Variants in TEAD1 observed in about 807,000 individuals in gnomAD.
The protein encoded by TEAD1 is transcriptional enhancer factor TEF-1.
In TEAD1, 9 loss-of-function variants were observed where a neutral mutation model predicts 54.9. That is an observed-to-expected ratio of 0.16 (90% CI 0.10 to 0.29). The LOEUF is 0.29. Among genes scored for constraint, TEAD1 ranks in the 10% least tolerant of loss-of-function variants. TEAD1 has a pLI of 1.00. For missense variants in TEAD1, 387 were observed against 535.9 expected (o/e 0.72, Z 2.74); for synonymous variants, 200 against 187.8 (o/e 1.07, Z -0.53).
At chr11:12,883,732 GGC>G (rs1948021861) in intron 9 of TEAD1, among the ~76,000 whole-genome samples, 1 of 152,116 alleles carries the variant, frequency 6.6e-6, no homozygotes, top group African/African-American at 2.4e-5. Flanking sequence ...AAGAAGAAGT[GGC>G]CAGGCATGGT....
chr11:12,676,155 T>TA (rs1206464840), intron 2 of TEAD1, among the ~76,000 whole-genome samples: 4 of 152,176 alleles, frequency 2.6e-5, no homozygotes, highest in African/African-American at 9.6e-5. Context: ...TTCAAAATAG[T>TA]AAAAAGAAAT....
chr11:12,686,936 A>G (rs1264950867), intron 2 of TEAD1, among the ~76,000 whole-genome samples: 3 of 152,268 alleles, frequency 2.0e-5, no homozygotes, highest in Admixed American at 2.0e-4. Flanking sequence ...TGACCAAAAC[A>G]ATGGCGTCTA....
intron 3 of TEAD1, among the ~76,000 whole-genome samples, chr11:12,767,274 C>A (rs886563803): frequency 2.6e-5 from 4 of 152,164 alleles, no homozygotes; most frequent in Admixed American, 2.0e-4. Context: ...AATTGGGACA[C>A]AAACCAGACC....
chr11:12,681,738 A>G (rs897104216), intron 2 of TEAD1, among the ~76,000 whole-genome samples: 4 of 152,256 alleles, frequency 2.6e-5, no homozygotes, highest in African/African-American at 9.6e-5. Flanking sequence ...GGGGGAAGCT[A>G]GGGCGAGGCT....
intron 5 of TEAD1, among the ~76,000 whole-genome samples, chr11:12,866,778 T>C (rs1206086393): frequency 6.6e-6 from 1 of 152,172 alleles, no homozygotes; most frequent in Non-Finnish European, 1.5e-5. Context: ...ATGGAGTCCT[T>C]TGTTTTTCCA....
intron 11 of TEAD1, among the ~76,000 whole-genome samples, chr11:12,929,949 C>A (rs1262830645): frequency 6.6e-6 from 1 of 152,158 alleles, no homozygotes; most frequent in Non-Finnish European, 1.5e-5. Context: ...AAGCTCTCAT[C>A]TTTCCAACTA....
At chr11:12,710,737 A>G (rs1943919274) in intron 2 of TEAD1, among the ~76,000 whole-genome samples, 1 of 152,172 alleles carries the variant, frequency 6.6e-6, no homozygotes, top group Non-Finnish European at 1.5e-5. Context: ...AGAGAGAGAA[A>G]TAGACATGTC....
chr11:12,924,762 G>A, intron 10 of TEAD1, 150 bp from the exon 11 acceptor site: 3 of 882,612 alleles, frequency 3.4e-6, no homozygotes, highest in Non-Finnish European at 5.7e-6. Flanking sequence ...AACGACAGAT[G>A]GGTATTGAAC....
chr11:12,838,769 C>G (rs1477902340), intron 3 of TEAD1, among the ~76,000 whole-genome samples: 3 of 152,156 alleles, frequency 2.0e-5, no homozygotes, highest in Non-Finnish European at 4.4e-5. Context: ...TAGAGCCAAA[C>G]ATTTCTGATT....
intron 2 of TEAD1, among the ~76,000 whole-genome samples, chr11:12,697,348 C>A (rs1943607537): frequency 6.6e-6 from 1 of 152,138 alleles, no homozygotes; most frequent in Non-Finnish European, 1.5e-5. Flanking sequence ...CTCAAGGAGA[C>A]CAGTATGGTT....
At chr11:12,775,724 G>A (rs1945402653) in intron 3 of TEAD1, among the ~76,000 whole-genome samples, 1 of 152,174 alleles carries the variant, frequency 6.6e-6, no homozygotes, top group South Asian at 2.1e-4. Context: ...TCTACTAATA[G>A]TGGTTGCCAC....
At chr11:12,809,888 G>A (rs931395137) in intron 3 of TEAD1, among the ~76,000 whole-genome samples, 10 of 152,072 alleles carry the variant, frequency 6.6e-5, no homozygotes, top group Non-Finnish European at 1.5e-4. Flanking sequence ...ATGTTCCTGA[G>A]GCATGAAGGA....
At chr11:12,782,452 G>C (rs773178972) in intron 3 of TEAD1, among the ~76,000 whole-genome samples, 8 of 152,176 alleles carry the variant, frequency 5.3e-5, no homozygotes, top group African/African-American at 1.9e-4. Context: ...AAGCAGATTA[G>C]TGGTTACCTG....
chr11:12,777,054 A>G (rs928232643), intron 3 of TEAD1, among the ~76,000 whole-genome samples: 2 of 151,908 alleles, frequency 1.3e-5, no homozygotes, highest in African/African-American at 4.8e-5. Context: ...TGGACTCCCA[A>G]AGTGCTAGGA....
At chr11:12,920,111 TAACTG>T (rs1226628374) in intron 10 of TEAD1, among the ~76,000 whole-genome samples, 1 of 152,212 alleles carries the variant, frequency 6.6e-6, no homozygotes, top group Non-Finnish European at 1.5e-5. Context: ...CAATTTTAAA[TAACTG>T]AAGTAGAGTG....
At chr11:12,866,276 G>A (rs761521389) in intron 5 of TEAD1, among the ~76,000 whole-genome samples, 4 of 152,186 alleles carry the variant, frequency 2.6e-5, no homozygotes, top group Non-Finnish European at 5.9e-5. Context: ...AATTAATGAT[G>A]TACAAAGAAG....
chr11:12,822,007 A>T (rs1454311347), intron 3 of TEAD1, among the ~76,000 whole-genome samples: 2 of 99,258 alleles, frequency 2.0e-5, no homozygotes, highest in Non-Finnish European at 3.7e-5. Flanking sequence ...TCTGTCACCC[A>T]GGCTGGAGTG....
chr11:12,920,732 A>T (rs1301826500), intron 10 of TEAD1, among the ~76,000 whole-genome samples: 3 of 152,256 alleles, frequency 2.0e-5, no homozygotes, highest in Non-Finnish European at 4.4e-5. Flanking sequence ...TTCATAGCAC[A>T]TGGAGACTCT....
intron 3 of TEAD1, among the ~76,000 whole-genome samples, chr11:12,795,724 A>G (rs894550398): frequency 6.6e-6 from 1 of 152,148 alleles, no homozygotes; most frequent in Non-Finnish European, 1.5e-5. Flanking sequence ...GTCCCACCAC[A>G]TACATATTTT....
Sources: allele counts gnomAD v4.1 joint callset (sites outside exome capture counted in the v4.1 genomes callset), GRCh38; gene constraint gnomAD v4.1.1; transcripts MANE v1.5; gene names NCBI Gene and HGNC (gene_info 2026-07-23, HGNC 2026-07-21).